NOSTRIN: variants seen among roughly 807,000 people sequenced by gnomAD.
The protein encoded by NOSTRIN is nitric oxide synthase trafficking, also known as BM247 homolog.
In NOSTRIN, 63 loss-of-function variants were observed where a neutral mutation model predicts 59.0. That is an observed-to-expected ratio of 1.07 (90% CI 0.87 to 1.32). The LOEUF is 1.32. NOSTRIN is among the 40% of genes most tolerant of loss of function. The probability of loss-of-function intolerance (pLI) is 0.00; values close to 1 mark genes in which losing one functional copy is unlikely to be tolerated. For missense variants in NOSTRIN, 512 were observed against 473.1 expected (o/e 1.08, Z -0.76); for synonymous variants, 200 against 165.4 (o/e 1.21, Z -1.61).
At position 168,865,034 on chromosome 2, in the gene NOSTRIN, G is replaced by C; in HGVS notation, c.*64G>C. ...CAACAATACAGTGTGGTTCAAATAA[G>C]AATAAAGTGCTCTTACCTTTACATG... On this transcript the variant is annotated 3_prime_UTR_variant, in exon 16 of 16. Coordinates refer to ENST00000317647, the MANE Select transcript of NOSTRIN (RefSeq NM_001039724.4). The C allele has an allele frequency of 6.4e-7, 1 of 1,552,350 alleles. No homozygotes were observed. Among genetic ancestry groups the C allele is most frequent in the Non-Finnish European group, 8.8e-7 (1 of 1,138,778 alleles).
chr2:168,855,335 C>G lies in NOSTRIN; in HGVS notation c.856-17C>G. ...TACTTCTTCCCCCTTGTTAGACATC[C>G]TTCTTTTTTCCTAAAGGAAGAAGAT... On this transcript the variant is annotated splice_polypyrimidine_tract_variant and intron_variant, in intron 10 of 15. Transcript: ENST00000317647. 1 of 1,381,318 alleles carries G rather than the reference C, an allele frequency of 7.2e-7. No homozygotes were observed. Among genetic ancestry groups the G allele is most frequent in the Non-Finnish European group, 1.0e-6 (1 of 987,832 alleles). 85.6% of individuals were successfully genotyped at this position (1,381,318 alleles called of 1,614,324 possible).
intron 8 of NOSTRIN, among the ~76,000 whole-genome samples, chr2:168,846,378 G>A (rs1688425925): frequency 6.6e-6 from 1 of 152,000 alleles, no homozygotes; most frequent in South Asian, 2.1e-4. Flanking sequence ...AGGGTCCTAC[G>A]AAGTGTTCTC....
intron 2 of NOSTRIN, among the ~76,000 whole-genome samples, chr2:168,792,993 A>G (rs796343255): frequency 2.6e-5 from 4 of 152,296 alleles, no homozygotes; most frequent in African/African-American, 7.2e-5. Flanking sequence ...TGACTTTTCA[A>G]CACTCCAAAG....
chr2:168,861,005 C>G (rs543390884), intron 14 of NOSTRIN, 96 bp downstream of exon 14: 3 of 744,868 alleles, frequency 4.0e-6, no homozygotes, highest in Non-Finnish European at 7.1e-6. Context: ...TGACCTGTAT[C>G]TGTTTAAGGA....
At position 168,836,734 on chromosome 2, in the gene NOSTRIN, A is replaced by T. The variant is rs188505325; in HGVS notation, c.504+2409A>T. On this transcript the variant is annotated intron_variant, in intron 7 of 15. Coordinates refer to ENST00000317647, the MANE Select transcript of NOSTRIN (RefSeq NM_001039724.4). ...ACAGCCACCTGCCTACTGAAGTAATAGCATTTACATATCTGCAATGGAGAG... is the reference window on the plus strand; with the variant it reads ...ACAGCCACCTGCCTACTGAAGTAATTGCATTTACATATCTGCAATGGAGAG... Among the ~76,000 whole-genome samples the T allele has an allele frequency of 1.4e-4, 21 of 152,310 alleles. No individual in the cohort carries two copies. The East Asian group carries it at 3.9e-3, about 28-fold the overall frequency.
At chr2:168,856,589 C>A in intron 11 of NOSTRIN, 101 bp from the exon 12 acceptor site, 1 of 997,030 alleles carries the variant, frequency 1.0e-6, no homozygotes. Context: ...AAAAAAATCT[C>A]ACTGGTATCA....
rs1553527196 is a variant in NOSTRIN at position 168,834,507 on chromosome 2, G to GCACGCACACACACA, written c.504+185_504+186insGCACACACACACAC. 6.4e-5 allele frequency among the ~76,000 whole-genome samples: 8 copies of GCACGCACACACACA among 125,434 alleles called. No homozygotes were observed. The East Asian group carries it at 1.7e-3, about 26-fold the overall frequency. The allele number at this position is 125,434 out of a possible 152,430, so 82.3% of individuals were successfully genotyped here. Reference sequence around the variant, plus strand: ...TACTGGCGTGCGCGCGCGCGCGCGCGCACACACACACACACACACACACAC... The same window carrying GCACGCACACACACA: ...TACTGGCGTGCGCGCGCGCGCGCGCGCACGCACACACACACACACACACACACACACACACACAC... On this transcript the variant is annotated intron_variant, in intron 7 of 15. Transcript: ENST00000317647.
At chr2:168,827,993 G>T (rs1687146081) in intron 3 of NOSTRIN, among the ~76,000 whole-genome samples, 165 bp from the exon 4 acceptor site, 1 of 151,936 alleles carries the variant, frequency 6.6e-6, no homozygotes, top group South Asian at 2.1e-4. Flanking sequence ...GCAAATAAAT[G>T]TATTGGCAGA....
At chr2:168,791,019 T>A (rs1005097459) in intron 2 of NOSTRIN, among the ~76,000 whole-genome samples, 13 of 152,098 alleles carry the variant, frequency 8.5e-5, no homozygotes, top group African/African-American at 3.1e-4. Context: ...ACACTTTAAG[T>A]TTTAGGGTAC....
At chr2:168,852,803 T>C (rs1688850422) in intron 10 of NOSTRIN, among the ~76,000 whole-genome samples, 1 of 152,204 alleles carries the variant, frequency 6.6e-6, no homozygotes, top group Non-Finnish European at 1.5e-5. Flanking sequence ...GTCTTTTTTT[T>C]CCTACCTTGG....
chr2:168,838,931 T>C (rs1011314667), intron 7 of NOSTRIN, among the ~76,000 whole-genome samples: 2 of 151,604 alleles, frequency 1.3e-5, no homozygotes, highest in Non-Finnish European at 2.9e-5. Flanking sequence ...TTACAGGCAC[T>C]CACCACCATG....
intron 2 of NOSTRIN, among the ~76,000 whole-genome samples, chr2:168,788,975 T>G (rs561950845): frequency 6.6e-6 from 1 of 151,940 alleles, no homozygotes; most frequent in East Asian, 1.9e-4. Context: ...GAGCCTAGAG[T>G]CAATGCCTCC....
upstream of NOSTRIN, among the ~76,000 whole-genome samples, chr2:168,799,992 T>C (rs1685572618): frequency 6.6e-6 from 1 of 152,230 alleles, no homozygotes; most frequent in Non-Finnish European, 1.5e-5. Flanking sequence ...TTTGATCAGC[T>C]GGATGTGGCT....
intron 2 of NOSTRIN, among the ~76,000 whole-genome samples, chr2:168,821,021 C>T (rs1433859088): frequency 6.6e-6 from 1 of 152,168 alleles, no homozygotes; most frequent in Non-Finnish European, 1.5e-5. Context: ...GATTCTTCCT[C>T]CCACACCATC....
At chr2:168,805,389 G>T (rs1188723841) in intron 1 of NOSTRIN, among the ~76,000 whole-genome samples, 1 of 152,186 alleles carries the variant, frequency 6.6e-6, no homozygotes, top group Admixed American at 6.5e-5. Context: ...GGGCCTTGAT[G>T]TTTCATTGCC....
intron 8 of NOSTRIN, among the ~76,000 whole-genome samples, chr2:168,846,027 A>G (rs545022954): frequency 6.6e-6 from 1 of 151,904 alleles, no homozygotes; most frequent in South Asian, 2.1e-4. Flanking sequence ...ATTAGCCACA[A>G]CGTGAGACGA....
intron 2 of NOSTRIN, among the ~76,000 whole-genome samples, chr2:168,814,820 T>G (rs951164513): frequency 8.5e-5 from 13 of 152,166 alleles, no homozygotes; most frequent in African/African-American, 3.1e-4. Context: ...AATCCTAGCA[T>G]TTTGGGAGGC....
At chr2:168,863,340 A>AAGAT (rs1202978647) in intron 15 of NOSTRIN, 6 of 904,502 alleles carry the variant, frequency 6.6e-6, no homozygotes, top group South Asian at 5.1e-5. Context: ...AAATGTAGAA[A>AAGAT]AGATAGAAAA....
chr2:168,845,744 C>A (rs1056636100), intron 8 of NOSTRIN, among the ~76,000 whole-genome samples: 9 of 151,182 alleles, frequency 6.0e-5, no homozygotes, highest in Non-Finnish European at 1.2e-4. Flanking sequence ...CATCTTTCAA[C>A]TTCAGCTCTA....
Sources: gnomAD v4.1 joint callset for allele counts (sites outside exome capture counted in the v4.1 genomes callset) on GRCh38, gnomAD v4.1.1 for gene constraint, MANE v1.5 for transcripts, NCBI Gene and HGNC (gene_info 2026-07-23, HGNC 2026-07-21) for gene names.